GRM5: variants seen among roughly 807,000 people sequenced by gnomAD.
GRM5 encodes glutamate metabotropic receptor 5.
Under a neutral mutation model 83.1 loss-of-function variants are expected in GRM5, and 19 were observed. The ratio of observed to expected loss-of-function variants is 0.23; its 90% CI spans 0.16 to 0.34. The LOEUF is 0.34. Ranked by LOEUF, GRM5 falls within the 10% of genes least tolerant of loss-of-function variation. The pLI, the probability that GRM5 is intolerant of heterozygous loss-of-function variation, is 1.00. For synonymous variants in GRM5, 675 were observed against 633.6 expected (o/e 1.07, Z -0.98); for missense variants, 1,160 against 1,588.3 (o/e 0.73, Z 4.58).
chr11:88,575,834 T>A (rs1231953834), intron 7 of GRM5, among the ~76,000 whole-genome samples: 1 of 151,782 alleles, frequency 6.6e-6, no homozygotes, highest in Non-Finnish European at 1.5e-5. Context: ...CCTTCAAGGT[T>A]TATTACACAT....
At chr11:88,560,290 T>G (rs1224422985) in intron 8 of GRM5, among the ~76,000 whole-genome samples, 1 of 152,090 alleles carries the variant, frequency 6.6e-6, no homozygotes, top group Non-Finnish European at 1.5e-5. Context: ...TAAACATTAT[T>G]TCTAATTTCG....
At position 88,509,160 on chromosome 11, in the gene GRM5, G is replaced by T. The variant is rs1331433158; in HGVS notation, c.3071C>A (p.Thr1024Lys). 3 of 1,538,622 alleles carry T rather than the reference G, an allele frequency of 1.9e-6. No individual in the cohort carries two copies. The highest frequency in any genetic ancestry group is 2.4e-5 in the South Asian group (2 of 83,472). Residue 1024 changes from threonine to lysine, a missense_variant, in exon 10 of 10, where the codon ACG (threonine) becomes AAG (lysine). Thr to Lys is a moderately conservative substitution (Grantham distance 78). This residue lies in a region of GRM5 where 562 missense variants were observed against 532.4 expected (regional missense o/e 1.06). Coordinates refer to ENST00000305447, the MANE Select transcript of GRM5 (RefSeq NM_001143831.3). ...GGCCGAGCCCGCGCGGTGGCTCAGC[G>T]TGCTGATGGGCGACGGTGAGCGCGG... ...ARPRSPSPISTLSHRAGSASR... is the reference protein window; with the variant it reads ...ARPRSPSPISKLSHRAGSASR...
At chr11:88,549,984 A>G (rs1942469328) in intron 8 of GRM5, among the ~76,000 whole-genome samples, 1 of 152,146 alleles carries the variant, frequency 6.6e-6, no homozygotes, top group African/African-American at 2.4e-5. Flanking sequence ...TATCAGTGAA[A>G]ATGCAAAAGA....
chr11:88,586,804 C>T (rs766700560), intron 7 of GRM5, among the ~76,000 whole-genome samples: 1 of 152,068 alleles, frequency 6.6e-6, no homozygotes, highest in Non-Finnish European at 1.5e-5. Flanking sequence ...CCTACCCAGA[C>T]CACCCACACA....
intron 3 of GRM5, among the ~76,000 whole-genome samples, chr11:88,821,141 A>G (rs188065981): frequency 7.2e-4 from 109 of 152,194 alleles, no homozygotes; most frequent in Middle Eastern, 3.4e-3. Context: ...GGCCATAGAT[A>G]AGAAGATAAT....
chr11:88,737,527 A>G (rs958690270), intron 3 of GRM5, among the ~76,000 whole-genome samples: 3 of 152,104 alleles, frequency 2.0e-5, no homozygotes, highest in Non-Finnish European at 4.4e-5. Context: ...CAGAGAGTCC[A>G]TAATGCTTAT....
At chr11:88,554,778 G>A (rs1372497808) in intron 8 of GRM5, among the ~76,000 whole-genome samples, 2 of 152,114 alleles carry the variant, frequency 1.3e-5, no homozygotes, top group African/African-American at 4.8e-5. Flanking sequence ...TGGAGAAGGT[G>A]GATGAAGACT....
intron 3 of GRM5, among the ~76,000 whole-genome samples, chr11:88,678,837 C>A (rs1450709028): frequency 1.3e-5 from 2 of 151,694 alleles, no homozygotes; most frequent in Admixed American, 6.6e-5. Flanking sequence ...TATTTATTAG[C>A]CAGGTAAATC....
chr11:88,656,813 T>C lies in GRM5; in HGVS notation c.912-3410A>G, dbSNP rs79741901. 1.0e-2 allele frequency among the ~76,000 whole-genome samples: 1,522 copies of C among 152,224 alleles called. 16 individuals are homozygous for C. Among genetic ancestry groups the C allele is most frequent in the East Asian group, 0.065 (335 of 5,170 alleles). On this transcript the variant is annotated intron_variant, in intron 3 of 9. Transcript: ENST00000305447. ...ACAAATAAAAAACAAGACAGTATAA[T>C]GACTATTTATATAACATGTATGTTA...
At chr11:88,863,844 C>T (rs550943826) in intron 2 of GRM5, among the ~76,000 whole-genome samples, 1 of 151,856 alleles carries the variant, frequency 6.6e-6, no homozygotes, top group East Asian at 1.9e-4. Flanking sequence ...CAGCACAACA[C>T]TGGACTATGC....
chr11:88,768,669 G>C lies in GRM5; in HGVS notation c.911+81237C>G, dbSNP rs1437907649. 2.0e-5 allele frequency among the ~76,000 whole-genome samples: 3 copies of C among 151,774 alleles called. No homozygotes were observed. The East Asian group carries it at 5.8e-4, about 29-fold the overall frequency. On this transcript the variant is annotated intron_variant, in intron 3 of 9. Transcript: ENST00000305447. ...AATTTAAAAATAGCCACACCTGAAA[G>C]GTCATCACACTGGTCCTTATATGAA...
intron 3 of GRM5, among the ~76,000 whole-genome samples, chr11:88,695,785 C>A (rs1940888557): frequency 6.6e-6 from 1 of 152,140 alleles, no homozygotes; most frequent in East Asian, 1.9e-4. Context: ...TGGCTCGCTT[C>A]TTCCATGCTC....
rs557383478 is a variant in GRM5, at chr11:88,773,177, G to T, written c.911+76729C>A. On this transcript the variant is annotated intron_variant, in intron 3 of 9. Coordinates refer to ENST00000305447, the MANE Select transcript of GRM5 (RefSeq NM_001143831.3). ...TGAGATGGTATCTCATTGTGGTTTT[G>T]ATTTGCATTTCTCTGATGGCCAGTG... 2.0e-4 allele frequency among the ~76,000 whole-genome samples: 30 copies of T among 152,232 alleles called. No homozygotes were observed. In the East Asian group the frequency reaches 3.9e-3, roughly 20 times the overall value.
intron 9 of GRM5, among the ~76,000 whole-genome samples, chr11:88,514,336 G>A (rs928641428): frequency 4.6e-5 from 7 of 152,042 alleles, no homozygotes; most frequent in African/African-American, 1.7e-4. Flanking sequence ...CTGCCAAAAT[G>A]ACACTTTCTA....
At chr11:88,907,667 C>T (rs1349645747) in intron 2 of GRM5, among the ~76,000 whole-genome samples, 1 of 152,096 alleles carries the variant, frequency 6.6e-6, no homozygotes, top group Non-Finnish European at 1.5e-5. Context: ...ATAACTTAAT[C>T]GTGAACACCA....
chr11:88,991,008 GC>G (rs1939946225), intron 2 of GRM5, among the ~76,000 whole-genome samples: 1 of 152,098 alleles, frequency 6.6e-6, no homozygotes, highest in Admixed American at 6.5e-5. Context: ...GGAAATTCTG[GC>G]CAGGGCAATT....
chr11:88,556,529 G>C (rs1251438720), intron 8 of GRM5, among the ~76,000 whole-genome samples: 1 of 151,876 alleles, frequency 6.6e-6, no homozygotes, highest in Non-Finnish European at 1.5e-5. Context: ...CACCATGTTG[G>C]TCAGGCTGGT....
intron 1 of GRM5, among the ~76,000 whole-genome samples, chr11:89,057,471 A>G (rs1214820903): frequency 1.3e-5 from 2 of 152,158 alleles, no homozygotes. Flanking sequence ...ATAAAACACT[A>G]TTGTACAAAG....
At chr11:88,530,460 CT>C (rs1472239146) in intron 8 of GRM5, among the ~76,000 whole-genome samples, 1 of 151,950 alleles carries the variant, frequency 6.6e-6, no homozygotes, top group Non-Finnish European at 1.5e-5. Flanking sequence ...TGTTGTTCTT[CT>C]TCTTGTACCT....
Sources: gnomAD v4.1 joint callset for allele counts (sites outside exome capture counted in the v4.1 genomes callset) on GRCh38, gnomAD v4.1.1 for gene constraint, gnomAD v4.1.1 regional missense constraint, MANE v1.5 for transcripts, NCBI Gene and HGNC (gene_info 2026-07-23, HGNC 2026-07-21) for gene names.